The following SEMA5A variants were observed in gnomAD, a reference collection of about 807,000 sequenced individuals.
SEMA5A encodes semaphorin-5A.
In SEMA5A, 55 loss-of-function variants were observed where a neutral mutation model predicts 135.5. The ratio of observed to expected loss-of-function variants is 0.41; its 90% CI spans 0.33 to 0.51. SEMA5A has a LOEUF of 0.51. SEMA5A is among the 20% of genes least tolerant of loss of function. The probability of loss-of-function intolerance (pLI) is 0.37; values close to 1 mark genes in which losing one functional copy is unlikely to be tolerated. For missense variants in SEMA5A, 1,290 were observed against 1,419.9 expected (o/e 0.91, Z 1.47); for synonymous variants, 580 against 546.5 (o/e 1.06, Z -0.85).
intron 10 of SEMA5A, among the ~76,000 whole-genome samples, chr5:9,192,486 A>G (rs1192183932): frequency 1.3e-5 from 2 of 152,124 alleles, no homozygotes; most frequent in African/African-American, 4.8e-5. Flanking sequence ...CAGCAATTCT[A>G]TGGTCTGTTG....
intron 3 of SEMA5A, among the ~76,000 whole-genome samples, chr5:9,357,108 C>T (rs2126345198): frequency 6.6e-6 from 1 of 152,338 alleles, no homozygotes; most frequent in East Asian, 1.9e-4. Context: ...ATCTCCATCT[C>T]ATTAATTACA....
intron 1 of SEMA5A, among the ~76,000 whole-genome samples, chr5:9,536,376 G>A (rs967303405): frequency 1.1e-4 from 17 of 152,086 alleles, no homozygotes; most frequent in African/African-American, 4.1e-4. Flanking sequence ...ATTTCGGGAG[G>A]CCAAGGTGGG....
rs147917921 is a variant in SEMA5A at position 9,215,870 on chromosome 5, G to A, written c.646+8804C>T. On this transcript the variant is annotated intron_variant, in intron 8 of 22. Coordinates refer to ENST00000382496, the MANE Select transcript of SEMA5A (RefSeq NM_003966.3). ...CAGGATTCACTAATCTTTTGAATGAGTTTTTATGTCTTGATTTCCTTCAGT... is the reference window on the plus strand; with the variant it reads ...CAGGATTCACTAATCTTTTGAATGAATTTTTATGTCTTGATTTCCTTCAGT... 4.6e-4 allele frequency among the ~76,000 whole-genome samples: 69 copies of A among 151,564 alleles called. No homozygotes were observed. The East Asian group carries it at 0.013, about 29-fold the overall frequency.
At chr5:9,522,311 G>A (rs193274435) in intron 1 of SEMA5A, among the ~76,000 whole-genome samples, 2 of 152,160 alleles carry the variant, frequency 1.3e-5, no homozygotes, top group African/African-American at 2.4e-5. Context: ...GGAGGGGAAC[G>A]GTGGCTCACA....
chr5:9,074,709 A>T (rs1173494767), intron 16 of SEMA5A, among the ~76,000 whole-genome samples: 1 of 152,232 alleles, frequency 6.6e-6, no homozygotes, highest in Non-Finnish European at 1.5e-5. Flanking sequence ...AAGATATGTG[A>T]TGGCAAAACA....
intron 16 of SEMA5A, among the ~76,000 whole-genome samples, chr5:9,089,417 T>A (rs1253731372): frequency 6.6e-6 from 1 of 151,920 alleles, no homozygotes; most frequent in South Asian, 2.1e-4. Context: ...AGGCCAGGAG[T>A]GCATCCAGTT....
intron 1 of SEMA5A, among the ~76,000 whole-genome samples, chr5:9,447,643 C>T (rs1382291867): frequency 6.6e-6 from 1 of 152,136 alleles, no homozygotes; most frequent in Non-Finnish European, 1.5e-5. Flanking sequence ...GAGTGTGTCG[C>T]ACAACCAAAA....
intron 3 of SEMA5A, among the ~76,000 whole-genome samples, chr5:9,343,680 A>C (rs918471296): frequency 6.6e-6 from 1 of 152,134 alleles, no homozygotes; most frequent in African/African-American, 2.4e-5. Flanking sequence ...ACTATGATAG[A>C]AAAACAAGGG....
At chr5:9,331,132 C>T (rs536111337) in intron 4 of SEMA5A, among the ~76,000 whole-genome samples, 5 of 152,300 alleles carry the variant, frequency 3.3e-5, no homozygotes, top group East Asian at 3.9e-4. Flanking sequence ...GAAGCAGAAT[C>T]GCTGATCTGA....
chr5:9,275,928 C>T (rs1251874371), intron 5 of SEMA5A, among the ~76,000 whole-genome samples: 3 of 152,180 alleles, frequency 2.0e-5, no homozygotes, highest in Admixed American at 2.0e-4. Context: ...TCTCACCACT[C>T]CAACTCAACA....
intron 4 of SEMA5A, among the ~76,000 whole-genome samples, chr5:9,333,073 G>A (rs1753228710): frequency 6.6e-6 from 1 of 152,162 alleles, no homozygotes; most frequent in Non-Finnish European, 1.5e-5. Flanking sequence ...AATCAGAATT[G>A]AGTAATTGGA....
chr5:9,082,758 C>A (rs959925331), intron 16 of SEMA5A, among the ~76,000 whole-genome samples: 1 of 152,154 alleles, frequency 6.6e-6, no homozygotes, highest in Non-Finnish European at 1.5e-5. Flanking sequence ...ACCACAAAAG[C>A]ATCAGGGATT....
chr5:9,067,204 AGTACACTAAAAT>A (rs1737526074), intron 16 of SEMA5A, among the ~76,000 whole-genome samples: 2 of 152,270 alleles, frequency 1.3e-5, no homozygotes, highest in African/African-American at 4.8e-5. Context: ...TTCTCCTGAG[AGTACACTAAAAT>A]GTAAGTTCTG....
At chr5:9,275,738 G>A (rs1250972874) in intron 5 of SEMA5A, among the ~76,000 whole-genome samples, 1 of 152,130 alleles carries the variant, frequency 6.6e-6, no homozygotes, top group East Asian at 1.9e-4. Context: ...AAAAACACAT[G>A]ATTATCTCAA....
rs1735832971 is a variant in SEMA5A at position 9,039,316 on chromosome 5, T to G, written c.*3581A>C. ...CACGTCACCTACTTATCCGACTATTTCCTCCATTTGCTTCTTTTCTATTTG... is the reference window on the plus strand; with the variant it reads ...CACGTCACCTACTTATCCGACTATTGCCTCCATTTGCTTCTTTTCTATTTG... On this transcript the variant is annotated 3_prime_UTR_variant, in exon 23 of 23. Transcript: ENST00000382496. The G allele has an allele frequency of 6.6e-6, 1 of 152,330 alleles. No individual in the cohort carries two copies. The highest frequency in any genetic ancestry group is 2.4e-5 in the African/African-American group (1 of 41,442). The allele number at this position is 152,330 out of a possible 1,614,324, so 9.4% of individuals were successfully genotyped here. A position where few individuals can be genotyped will look rare whatever the true frequency, so the allele number is the denominator to read the frequency against.
At chr5:9,056,894 A>G (rs563276031) in intron 18 of SEMA5A, among the ~76,000 whole-genome samples, 1 of 152,362 alleles carries the variant, frequency 6.6e-6, no homozygotes, top group East Asian at 1.9e-4. Context: ...TCAAGAGATG[A>G]ATGGATAAAG....
At chr5:9,313,697 G>C (rs1282059741) in intron 5 of SEMA5A, among the ~76,000 whole-genome samples, 2 of 152,172 alleles carry the variant, frequency 1.3e-5, no homozygotes, top group African/African-American at 4.8e-5. Context: ...GCCTCAGAGG[G>C]TCACCAGCCA....
chr5:9,375,287 A>T (rs1344414489), intron 3 of SEMA5A, among the ~76,000 whole-genome samples: 1 of 152,110 alleles, frequency 6.6e-6, no homozygotes, highest in Non-Finnish European at 1.5e-5. Context: ...TTTGCAGACA[A>T]ATTGTTTAAG....
chr5:9,356,945 G>A (rs1754476877), intron 3 of SEMA5A, among the ~76,000 whole-genome samples: 1 of 152,132 alleles, frequency 6.6e-6, no homozygotes, highest in Non-Finnish European at 1.5e-5. Flanking sequence ...CATATTCAGT[G>A]AGCCTGACTT....
Sources: gnomAD v4.1 joint callset for allele counts (sites outside exome capture counted in the v4.1 genomes callset) on GRCh38, gnomAD v4.1.1 for gene constraint, MANE v1.5 for transcripts, NCBI Gene and HGNC (gene_info 2026-07-23, HGNC 2026-07-21) for gene names.